Variants in P3H2 observed in about 807,000 individuals in gnomAD.
P3H2 encodes prolyl 3-hydroxylase 2.
P3H2 carries 80 observed loss-of-function variants against 87.0 expected under a neutral mutation model. That is an observed-to-expected ratio of 0.92 (90% CI 0.77 to 1.11). P3H2 has a LOEUF of 1.11. Ranked by LOEUF, P3H2 falls within the 50% of genes least tolerant of loss-of-function variation. The pLI is 0.00. For synonymous variants in P3H2, 367 were observed against 359.3 expected, an observed-to-expected ratio of 1.02 and a Z score of -0.24; for missense variants, 1,001 against 923.9, an observed-to-expected ratio of 1.08 and a Z score of -1.08.
intron 1 of P3H2, among the ~76,000 whole-genome samples, chr3:190,007,208 G>C (rs972295499): frequency 3.3e-5 from 5 of 152,132 alleles, no homozygotes; most frequent in African/African-American, 1.2e-4. Flanking sequence ...TGGGAGTAAA[G>C]GGATACTGGA....
chr3:190,020,406 C>T (rs7612466), intron 1 of P3H2, among the ~76,000 whole-genome samples: 8,418 of 134,328 alleles, frequency 0.063, 1,706 homozygotes, highest in African/African-American at 0.19. Flanking sequence ...CATCTTAATC[C>T]AAACATGTTT....
At chr3:189,972,585 A>G (rs985421219) in intron 11 of P3H2, among the ~76,000 whole-genome samples, 9 of 152,208 alleles carry the variant, frequency 5.9e-5, no homozygotes, top group African/African-American at 2.2e-4. Flanking sequence ...CTGATTCCTC[A>G]AAATGGGAAA....
At position 189,983,039 on chromosome 3, in the gene P3H2, T is replaced by TA; in HGVS notation, c.1324+6dup. ...CCTTTATAGGGTAAAAGTGCACAGC[T>TA]ACTTACCTTCTCTTAGGTCTCGATC... On this transcript the variant is annotated splice_region_variant and intron_variant, in intron 8 of 14. Transcript: ENST00000319332. 2 of 1,605,784 alleles carry TA rather than the reference T, an allele frequency of 1.2e-6. No individual in the cohort carries two copies. The highest frequency in any genetic ancestry group is 1.7e-6 in the Non-Finnish European group (2 of 1,172,408).
chr3:190,045,263 T>A (rs1046555901), intron 1 of P3H2, among the ~76,000 whole-genome samples: 3 of 152,232 alleles, frequency 2.0e-5, no homozygotes, highest in Non-Finnish European at 4.4e-5. Flanking sequence ...AAGCTTGGAT[T>A]TATTTTGCAA....
chr3:189,969,817 A>G, intron 13 of P3H2: 2 of 1,601,344 alleles, frequency 1.2e-6, no homozygotes, highest in Non-Finnish European at 1.7e-6. Flanking sequence ...CTGTTCCACC[A>G]ATTATTCCAA....
At chr3:190,040,042 A>G (rs1425358494) in intron 1 of P3H2, among the ~76,000 whole-genome samples, 1 of 152,228 alleles carries the variant, frequency 6.6e-6, no homozygotes, top group Non-Finnish European at 1.5e-5. Context: ...GTTGCATTAG[A>G]TATTTCTTAA....
rs376010445 is a variant in P3H2, at chr3:189,972,888, C to T, written c.1685G>A (p.Arg562Gln). Residue 562 changes from arginine (R) to glutamine (Q), a missense_variant, in exon 11 of 15, where the codon CGA becomes CAA. By Grantham distance (43) the Arg-to-Gln change is conservative. Transcript: ENST00000319332. ...LYFSYTHMVC[R>Q]TALSGQQDRR... ...TGCAATCTCACCAGACAGGGCTGTT[C>T]GGCAGACCATGTGTGTATAGGAAAA... is the stretch of plus-strand genomic sequence containing the variant. The T allele has an allele frequency of 2.2e-5, 35 of 1,613,926 alleles. No homozygotes were observed. Among genetic ancestry groups the T allele is most frequent in the Admixed American group, 6.7e-5 (4 of 60,016 alleles).
chr3:190,079,150 G>A (rs558766288), intron 1 of P3H2, among the ~76,000 whole-genome samples: 1 of 152,058 alleles, frequency 6.6e-6, no homozygotes, highest in East Asian at 1.9e-4. Flanking sequence ...AGACCAGCCT[G>A]GCCAACATGG....
At chr3:189,993,821 ATT>A (rs1723955673) in intron 3 of P3H2, among the ~76,000 whole-genome samples, 1 of 151,504 alleles carries the variant, frequency 6.6e-6, no homozygotes. Flanking sequence ...GTTGAAAAAC[ATT>A]ATATATAGTA....
chr3:190,012,797 C>G (rs895455018), intron 1 of P3H2, among the ~76,000 whole-genome samples: 1 of 152,160 alleles, frequency 6.6e-6, no homozygotes, highest in Admixed American at 6.5e-5. Context: ...CAGTGGCTCT[C>G]TGGGGGCAGA....
At chr3:190,118,633 T>C (rs1712387391) in intron 1 of P3H2, among the ~76,000 whole-genome samples, 1 of 151,936 alleles carries the variant, frequency 6.6e-6, no homozygotes, top group Non-Finnish European at 1.5e-5. Flanking sequence ...TCCAACACCT[T>C]AGCCACAACA....
chr3:190,045,074 C>T (rs912295327), intron 1 of P3H2, among the ~76,000 whole-genome samples: 9 of 152,042 alleles, frequency 5.9e-5, no homozygotes, highest in African/African-American at 1.2e-4. Context: ...AGAGAAAATA[C>T]GTTGAGGAAG....
In P3H2 at chr3:189,986,816, T is replaced by C. The variant is rs765345631; in HGVS notation, c.1160A>G (p.Glu387Gly). 6.2e-7 allele frequency: 1 copy of C among 1,612,356 alleles called. No individual in the cohort carries two copies. Among genetic ancestry groups the C allele is most frequent in the Admixed American group, 1.7e-5 (1 of 60,004 alleles). ...TTCAGTGTATGAAAACCCCAGACCT[T>C]CTGCAGCTGATTTTATCAGCTCAGA... Reference protein sequence around the residue: ...LESELIKSAAEGLGFSYTEPN... With the variant: ...LESELIKSAAGGLGFSYTEPN... Residue 387 changes from glutamate (E) to glycine (G), a missense_variant, in exon 6 of 15, where the codon GAA becomes GGA. Glu to Gly is a moderately conservative substitution (Grantham distance 98, BLOSUM62 -2). Coordinates refer to ENST00000319332, the MANE Select transcript of P3H2 (RefSeq NM_018192.4).
intron 14 of P3H2, 82 bp downstream of exon 14, chr3:189,963,876 A>G: frequency 6.9e-7 from 1 of 1,441,098 alleles, no homozygotes; most frequent in Non-Finnish European, 9.8e-7. Context: ...TTTTCCTCAG[A>G]CGAAGCAATT....
intron 1 of P3H2, among the ~76,000 whole-genome samples, chr3:190,099,093 TAAC>T (rs1299306871): frequency 1.3e-5 from 2 of 152,136 alleles, no homozygotes; most frequent in South Asian, 4.1e-4. Flanking sequence ...ATAAGAATAA[TAAC>T]AAATACTAGA....
intron 1 of P3H2, among the ~76,000 whole-genome samples, chr3:190,101,057 C>T (rs1454802126): frequency 6.6e-6 from 1 of 151,932 alleles, no homozygotes; most frequent in Non-Finnish European, 1.5e-5. Context: ...GGTTCGGGCC[C>T]CACAAACCAT....
At chr3:189,965,008 G>A (rs566623280) in intron 13 of P3H2, among the ~76,000 whole-genome samples, 21 of 152,118 alleles carry the variant, frequency 1.4e-4, no homozygotes, top group Non-Finnish European at 2.5e-4. Flanking sequence ...GTCTTTCTTG[G>A]GAAATACAGA....
chr3:190,111,208 T>C (rs1258916447), intron 1 of P3H2, among the ~76,000 whole-genome samples: 1 of 152,258 alleles, frequency 6.6e-6, no homozygotes, highest in Non-Finnish European at 1.5e-5. Context: ...CATAAGAAGA[T>C]TGCAGCTTTT....
At chr3:190,069,904 T>C (rs73053191) in intron 1 of P3H2, among the ~76,000 whole-genome samples, 23,678 of 151,324 alleles carry the variant, frequency 0.16, 2,674 homozygotes, top group African/African-American at 0.32. Context: ...GTGGAGAAAA[T>C]TGGGGGTAAA....
Sources: gnomAD v4.1 joint callset for allele counts (sites outside exome capture counted in the v4.1 genomes callset) on GRCh38, gnomAD v4.1.1 for gene constraint, MANE v1.5 for transcripts, NCBI Gene and HGNC (gene_info 2026-07-23, HGNC 2026-07-21) for gene names.